The following CHL1 variants were observed in gnomAD, a reference collection of about 807,000 sequenced individuals.
CHL1 encodes the protein cell adhesion molecule L1 like, also known as neural cell adhesion molecule L1-like protein.
CHL1 carries 96 observed loss-of-function variants against 141.9 expected under a neutral mutation model. That is an observed-to-expected ratio of 0.68 (90% CI 0.57 to 0.80). The LOEUF (loss-of-function observed/expected upper bound fraction) is 0.80. Ranked by LOEUF, CHL1 falls within the 30% of genes least tolerant of loss-of-function variation. CHL1 has a pLI of 0.00. For synonymous variants in CHL1, 613 were observed against 502.2 expected, an observed-to-expected ratio of 1.22 and a Z score of -2.95; for missense variants, 1,820 against 1,457.2, an observed-to-expected ratio of 1.25 and a Z score of -4.05.
intron 2 of CHL1, among the ~76,000 whole-genome samples, chr3:313,401 C>G (rs111296718): frequency 4.5e-4 from 69 of 152,194 alleles, no homozygotes; most frequent in African/African-American, 1.6e-3. Context: ...CTATTTCCCT[C>G]TAGGATAAAG....
At chr3:396,511 T>C (rs1334028929) in intron 24 of CHL1, among the ~76,000 whole-genome samples, 1 of 152,128 alleles carries the variant, frequency 6.6e-6, no homozygotes, top group Non-Finnish European at 1.5e-5. Flanking sequence ...GTTGCGAAAT[T>C]TGGGCTTGGT....
At chr3:376,167 G>C (rs986206265) in intron 15 of CHL1, among the ~76,000 whole-genome samples, 1 of 152,186 alleles carries the variant, frequency 6.6e-6, no homozygotes, top group African/African-American at 2.4e-5. Context: ...CCTATGATGG[G>C]AACATAATGT....
intron 2 of CHL1, among the ~76,000 whole-genome samples, chr3:314,309 T>TCTC (rs1553562691): frequency 0.17 from 16,484 of 98,086 alleles, 1,787 homozygotes; most frequent in African/African-American, 0.25. Flanking sequence ...CTCTCTCTCT[T>TCTC]TCTCTCTCTC....
At chr3:318,355 C>T (rs537615749) in intron 2 of CHL1, among the ~76,000 whole-genome samples, 3 of 151,732 alleles carry the variant, frequency 2.0e-5, no homozygotes, top group Non-Finnish European at 4.4e-5. Flanking sequence ...TGTTAGCTAA[C>T]TTTTTTCACC....
intron 1 of CHL1, among the ~76,000 whole-genome samples, chr3:218,751 C>A (rs17330105): frequency 0.28 from 42,504 of 151,910 alleles, 7,375 homozygotes; most frequent in Middle Eastern, 0.52. Flanking sequence ...AGGAAAAAGA[C>A]AACAGAAAGG....
chr3:365,109 C>T (rs908450653), intron 14 of CHL1, among the ~76,000 whole-genome samples: 1 of 152,026 alleles, frequency 6.6e-6, no homozygotes, highest in African/African-American at 2.4e-5. Context: ...TGTACATAGC[C>T]AATATCAGAG....
rs369389883 is a variant in CHL1, at chr3:343,021, T to A, written c.717T>A (p.Ile239=). ...ATGACTCAAGTTCATCCACAGAAATTGGTTCCAAGGGTAAGTTGAACCCAT... is the reference window on the plus strand; with the variant it reads ...ATGACTCAAGTTCATCCACAGAAATAGGTTCCAAGGGTAAGTTGAACCCAT... The part of the protein sequence containing the change: ...HANDSSSSTE[I]GSKANSIKQR... The change falls in exon 8 of 28, where the codon ATT becomes ATA. Residue 239 remains isoleucine, a synonymous_variant. Transcript: ENST00000256509. The A allele has an allele frequency of 1.2e-6, 2 of 1,608,374 alleles. No homozygotes were observed. Among genetic ancestry groups the A allele is most frequent in the Admixed American group, 3.4e-5 (2 of 58,494 alleles).
intron 1 of CHL1, among the ~76,000 whole-genome samples, chr3:217,282 T>C (rs533607570): frequency 1.3e-5 from 2 of 152,094 alleles, no homozygotes; most frequent in Admixed American, 6.5e-5. Context: ...TACGTGTGTG[T>C]GCATGTGTAG....
chr3:303,983 C>A (rs1053827827), intron 2 of CHL1, among the ~76,000 whole-genome samples: 6 of 152,158 alleles, frequency 3.9e-5, no homozygotes, highest in Non-Finnish European at 5.9e-5. Flanking sequence ...TTGAGATAAT[C>A]ATGTGGCTTT....
At chr3:295,981 A>G (rs922329462) in intron 2 of CHL1, among the ~76,000 whole-genome samples, 3 of 152,070 alleles carry the variant, frequency 2.0e-5, no homozygotes, top group African/African-American at 7.3e-5. Context: ...AAATTTGGGA[A>G]CTATAGTACA....
intron 23 of CHL1, among the ~76,000 whole-genome samples, chr3:394,199 A>G (rs528000652): frequency 2.6e-5 from 4 of 152,312 alleles, no homozygotes; most frequent in East Asian, 1.9e-4. Flanking sequence ...TATTGATTCT[A>G]TGTATACTGA....
chr3:269,276 C>G (rs1436694627), intron 2 of CHL1, among the ~76,000 whole-genome samples: 1 of 152,114 alleles, frequency 6.6e-6, no homozygotes, highest in Non-Finnish European at 1.5e-5. Context: ...TTTCTCATCT[C>G]AAGTCAAGTG....
chr3:234,678 AG>A (rs1309948886), intron 1 of CHL1, among the ~76,000 whole-genome samples: 1 of 152,118 alleles, frequency 6.6e-6, no homozygotes, highest in Non-Finnish European at 1.5e-5. Context: ...CTCAGTCCAA[AG>A]CAGCAGGTGC....
intron 16 of CHL1, among the ~76,000 whole-genome samples, chr3:379,472 C>G (rs867728381): frequency 6.6e-6 from 1 of 152,036 alleles, no homozygotes; most frequent in Non-Finnish European, 1.5e-5. Flanking sequence ...ATAAAGTAGT[C>G]GAGCTTCAGA....
intron 1 of CHL1, among the ~76,000 whole-genome samples, chr3:207,654 A>T (rs1234235192): frequency 2.0e-5 from 3 of 152,160 alleles, no homozygotes; most frequent in Admixed American, 6.5e-5. Flanking sequence ...ATTGTTCACT[A>T]ATTTGAGACA....
intron 16 of CHL1, 103 bp from the exon 17 acceptor site, chr3:382,076 G>A (rs909689884): frequency 5.5e-6 from 5 of 910,160 alleles, no homozygotes; most frequent in Middle Eastern, 2.3e-4. Flanking sequence ...GTCCCTAAGA[G>A]GGTGGTACCT....
At chr3:200,208 A>G (rs1455407296) in intron 1 of CHL1, among the ~76,000 whole-genome samples, 2 of 152,224 alleles carry the variant, frequency 1.3e-5, no homozygotes, top group African/African-American at 4.8e-5. Flanking sequence ...TATTTTAGAA[A>G]CAATAAAATT....
chr3:326,493 G>A (rs1701023848), intron 4 of CHL1, among the ~76,000 whole-genome samples: 1 of 151,314 alleles, frequency 6.6e-6, no homozygotes, highest in African/African-American at 2.4e-5. Context: ...TGGATAGGTT[G>A]TTACTTGATT....
At chr3:260,182 T>A (rs554355639) in intron 2 of CHL1, among the ~76,000 whole-genome samples, 28 of 152,244 alleles carry the variant, frequency 1.8e-4, no homozygotes, top group African/African-American at 6.7e-4. Flanking sequence ...GAGAATCACT[T>A]GAACCCAGGA....
Sources: gnomAD v4.1 joint callset for allele counts (sites outside exome capture counted in the v4.1 genomes callset) on GRCh38, gnomAD v4.1.1 for gene constraint, MANE v1.5 for transcripts, NCBI Gene and HGNC (gene_info 2026-07-23, HGNC 2026-07-21) for gene names.